CAMKMT: variants seen among roughly 807,000 people sequenced by gnomAD.
The protein encoded by CAMKMT is calmodulin-lysine N-methyltransferase.
CAMKMT carries 53 observed loss-of-function variants against 48.0 expected under a neutral mutation model. The observed-to-expected ratio is 1.10, with a 90% CI of 0.89 to 1.39. CAMKMT has a LOEUF of 1.39. Ranked by LOEUF, CAMKMT falls within the 40% of genes most tolerant of loss-of-function variation. CAMKMT has a pLI of 0.00. For synonymous variants in CAMKMT, 165 were observed against 152.3 expected, an observed-to-expected ratio of 1.08 and a Z score of -0.61; for missense variants, 428 against 402.7, an observed-to-expected ratio of 1.06 and a Z score of -0.54.
At chr2:44,686,594 T>G (rs1212893059) in intron 3 of CAMKMT, among the ~76,000 whole-genome samples, 2 of 152,164 alleles carry the variant, frequency 1.3e-5, no homozygotes, top group African/African-American at 4.8e-5. Context: ...ATAAAAAGCT[T>G]ATTTAAAGAA....
intron 3 of CAMKMT, among the ~76,000 whole-genome samples, chr2:44,480,546 C>A (rs1239486792): frequency 6.6e-6 from 1 of 152,078 alleles, no homozygotes; most frequent in Non-Finnish European, 1.5e-5. Flanking sequence ...TCTTATTGCT[C>A]AAATTAATTA....
At chr2:44,612,522 T>C (rs1204262490) in intron 3 of CAMKMT, among the ~76,000 whole-genome samples, 1 of 152,190 alleles carries the variant, frequency 6.6e-6, no homozygotes, top group Non-Finnish European at 1.5e-5. Flanking sequence ...CTGAATAATA[T>C]TACAGTTATG....
rs543760854 is a variant in CAMKMT at position 44,440,709 on chromosome 2, A to T, written c.376+50404A>T. Among the ~76,000 whole-genome samples, 24 of 152,288 alleles carry T rather than the reference A, an allele frequency of 1.6e-4. No homozygotes were observed. In the South Asian group the frequency reaches 4.4e-3, roughly 28 times the overall value. ...GATATAGAGTATTTCTATCAGAAAG[A>T]TGTATTAAGACAGTGCTACTTCCTT... On this transcript the variant is annotated intron_variant, in intron 3 of 10. Transcript: ENST00000378494.
In CAMKMT at chr2:44,564,176, C is replaced by CTTT. The variant is rs10599009; in HGVS notation, c.377-140092_377-140090dup. Among the ~76,000 whole-genome samples the CTTT allele has an allele frequency of 2.2e-5, 3 of 137,090 alleles. 1 individual carries two copies. Among genetic ancestry groups the CTTT allele is most frequent in the African/African-American group, 8.1e-5 (3 of 37,076 alleles). 89.9% of individuals were successfully genotyped at this position (137,090 alleles called of 152,430 possible). On this transcript the variant is annotated intron_variant, in intron 3 of 10. Coordinates refer to ENST00000378494, the MANE Select transcript of CAMKMT (RefSeq NM_024766.5). ...TTCAAAGCATACTAGTTGATCAGAA[C>CTTT]TTTTTTTTTTTTTTTTTGAGACGGA...
At chr2:44,410,117 G>A (rs1010606973) in intron 3 of CAMKMT, among the ~76,000 whole-genome samples, 1 of 150,778 alleles carries the variant, frequency 6.6e-6, no homozygotes, top group Admixed American at 6.6e-5. Context: ...ACTGGTAGGG[G>A]GTATTTTTCA....
intron 3 of CAMKMT, among the ~76,000 whole-genome samples, chr2:44,403,814 T>C (rs1456126875): frequency 6.6e-6 from 1 of 151,606 alleles, no homozygotes; most frequent in Non-Finnish European, 1.5e-5. Flanking sequence ...ATATGGTTCT[T>C]GTCAAATCTA....
chr2:44,379,987 G>C (rs746285252), intron 2 of CAMKMT, among the ~76,000 whole-genome samples: 2 of 151,898 alleles, frequency 1.3e-5, no homozygotes, highest in African/African-American at 4.8e-5. Flanking sequence ...ATTTTGATGA[G>C]GTGTAACATG....
chr2:44,636,302 G>T (rs183695785), intron 3 of CAMKMT, among the ~76,000 whole-genome samples: 56 of 152,308 alleles, frequency 3.7e-4, no homozygotes, highest in African/African-American at 1.3e-3. Context: ...TAGTAACTGG[G>T]AAGACAGAAT....
At chr2:44,429,900 A>C (rs1416473782) in intron 3 of CAMKMT, among the ~76,000 whole-genome samples, 5 of 151,224 alleles carry the variant, frequency 3.3e-5, no homozygotes, top group African/African-American at 4.8e-5. Context: ...TCATTATATG[A>C]TCTTGTTAAA....
At chr2:44,660,121 T>G (rs1194295472) in intron 3 of CAMKMT, among the ~76,000 whole-genome samples, 1 of 152,214 alleles carries the variant, frequency 6.6e-6, no homozygotes, top group Non-Finnish European at 1.5e-5. Context: ...TAATTATATT[T>G]TCCAAAACAA....
At chr2:44,628,038 C>G (rs919039008) in intron 3 of CAMKMT, among the ~76,000 whole-genome samples, 2 of 151,996 alleles carry the variant, frequency 1.3e-5, no homozygotes, top group African/African-American at 4.8e-5. Context: ...GGAACTGTAG[C>G]AATCAATGTT....
intron 3 of CAMKMT, among the ~76,000 whole-genome samples, chr2:44,398,269 C>T (rs775572118): frequency 4.6e-5 from 7 of 152,168 alleles, no homozygotes; most frequent in Admixed American, 6.5e-5. Context: ...TTCTCCAAAA[C>T]GGCGAGAAAT....
intron 3 of CAMKMT, among the ~76,000 whole-genome samples, chr2:44,466,337 C>T (rs1668111196): frequency 1.3e-5 from 2 of 152,006 alleles, no homozygotes; most frequent in Non-Finnish European, 2.9e-5. Flanking sequence ...TTTTTCTGAC[C>T]ACACTGAAAT....
chr2:44,695,660 C>T lies in CAMKMT; in HGVS notation c.377-8623C>T, dbSNP rs529649263. Among the ~76,000 whole-genome samples the T allele has an allele frequency of 6.6e-5, 10 of 152,252 alleles. No homozygotes were observed. The South Asian group carries it at 1.9e-3, about 28-fold the overall frequency. ...GGATGTTTTTTAAGGCATAAACCCA[C>T]GTGAATGACACATTGGCCATTTTAA... On this transcript the variant is annotated intron_variant, in intron 3 of 10. Transcript: ENST00000378494.
At chr2:44,458,659 C>T (rs1266816670) in intron 3 of CAMKMT, among the ~76,000 whole-genome samples, 1 of 152,160 alleles carries the variant, frequency 6.6e-6, no homozygotes, top group Non-Finnish European at 1.5e-5. Flanking sequence ...GTGTCAGAAT[C>T]TATTTTTAAT....
At chr2:44,547,476 T>C (rs907864951) in intron 3 of CAMKMT, among the ~76,000 whole-genome samples, 1 of 152,108 alleles carries the variant, frequency 6.6e-6, no homozygotes, top group Non-Finnish European at 1.5e-5. Context: ...ACCATGATCA[T>C]GTCTGTGAAT....
chr2:44,486,192 C>G (rs1209821708), intron 3 of CAMKMT, among the ~76,000 whole-genome samples: 2 of 152,100 alleles, frequency 1.3e-5, no homozygotes, highest in Non-Finnish European at 2.9e-5. Flanking sequence ...GCCTTGAACT[C>G]CTGGCCTCAA....
At position 44,739,780 on chromosome 2, in the gene CAMKMT, CAA is replaced by C. The variant is rs555651311; in HGVS notation, c.624-3840_624-3839del. ...GCAACAGAGCGTCAAACAATTTTCT[CAA>C]AGAGTTTTGCTGCAAAGGAGGAATA... On this transcript the variant is annotated intron_variant, in intron 7 of 10. Coordinates refer to ENST00000378494, the MANE Select transcript of CAMKMT (RefSeq NM_024766.5). Among the ~76,000 whole-genome samples, 137 of 152,216 alleles carry C rather than the reference CAA, an allele frequency of 9.0e-4. 1 individual carries two copies. The highest frequency in any genetic ancestry group is 1.7e-3 in the Non-Finnish European group (117 of 68,018).
intron 3 of CAMKMT, among the ~76,000 whole-genome samples, chr2:44,606,140 A>G (rs1024980645): frequency 3.9e-5 from 6 of 152,142 alleles, no homozygotes; most frequent in African/African-American, 1.4e-4. Flanking sequence ...CTTTTACAAA[A>G]TCAGCTGTCT....
Sources: gnomAD v4.1 joint callset for allele counts (sites outside exome capture counted in the v4.1 genomes callset) on GRCh38, gnomAD v4.1.1 for gene constraint, MANE v1.5 for transcripts, NCBI Gene and HGNC (gene_info 2026-07-23, HGNC 2026-07-21) for gene names.